IGF2BP1: variants seen among roughly 807,000 people sequenced by gnomAD.
IGF2BP1 encodes insulin like growth factor 2 mRNA binding protein 1, also known as insulin-like growth factor 2 mRNA-binding protein 1.
IGF2BP1 carries 11 observed loss-of-function variants against 74.9 expected under a neutral mutation model. The observed-to-expected ratio is 0.15, with a 90% CI of 0.09 to 0.24. The LOEUF (loss-of-function observed/expected upper bound fraction) is 0.24. Ranked by LOEUF, IGF2BP1 falls within the 10% of genes least tolerant of loss-of-function variation. The pLI is 1.00. For synonymous variants in IGF2BP1, 287 were observed against 281.8 expected (o/e 1.02, Z -0.18); for missense variants, 440 against 757.4 (o/e 0.58, Z 4.92).
At chr17:48,999,352 C>A (rs753527211) in intron 2 of IGF2BP1, among the ~76,000 whole-genome samples, 183 bp downstream of exon 2, 80 of 39,858 alleles carry the variant, frequency 2.0e-3, no homozygotes, top group Non-Finnish European at 2.9e-3. Flanking sequence ...TGGTTTACAG[C>A]TTGTAAAAAA....
At chr17:49,013,422 C>CTGT (rs2041646569) in intron 2 of IGF2BP1, 1 of 152,464 alleles carries the variant, frequency 6.6e-6, no homozygotes, top group African/African-American at 2.4e-5. Context: ...GCCTCCCGCC[C>CTGT]CGTCCCGCCT....
intron 2 of IGF2BP1, among the ~76,000 whole-genome samples, chr17:49,015,313 AT>A (rs1373881514): frequency 1.3e-5 from 2 of 152,134 alleles, no homozygotes; most frequent in Non-Finnish European, 2.9e-5. Flanking sequence ...AGAGGCTGGC[AT>A]CTCCACCGGG....
intron 2 of IGF2BP1, among the ~76,000 whole-genome samples, chr17:49,002,928 G>T (rs967346506): frequency 1.3e-5 from 2 of 152,070 alleles, no homozygotes; most frequent in African/African-American, 4.8e-5. Context: ...TTTTGTAAGG[G>T]CAGTGGCAAC....
chr17:49,051,611 A>C lies in IGF2BP1; in HGVS notation c.*2167A>C, dbSNP rs1228295269. 2.0e-5 allele frequency: 3 copies of C among 152,222 alleles called. No individual in the cohort carries two copies. Among genetic ancestry groups the C allele is most frequent in the Non-Finnish European group, 2.9e-5 (2 of 68,038 alleles). The allele number at this position is 152,222 out of a possible 1,614,324, so 9.4% of individuals were successfully genotyped here. A position where few individuals can be genotyped will look rare whatever the true frequency, so the allele number is the denominator to read the frequency against. ...CTCTTTCCTCCTTTGGTTAAAGAGC[A>C]TCTCAGCCAGCTTTTCCCACCAGTG... On this transcript the variant is annotated 3_prime_UTR_variant, in exon 15 of 15. Coordinates refer to ENST00000290341, the MANE Select transcript of IGF2BP1 (RefSeq NM_006546.4).
intron 2 of IGF2BP1, among the ~76,000 whole-genome samples, chr17:49,022,646 G>A (rs1299182288): frequency 3.3e-5 from 5 of 152,198 alleles, no homozygotes; most frequent in East Asian, 3.9e-4. Context: ...CATTCCAGAC[G>A]ATCTGCCTGC....
At position 49,011,659 on chromosome 17, in the gene IGF2BP1, A is replaced by G. The variant is rs181773585; in HGVS notation, c.236+12490A>G. The stretch of plus-strand genomic sequence containing the variant: ...AGCTATGATGGTGCCATTGCACTCC[A>G]GCCTGGGTGACAGAATGAGACCCTG... On this transcript the variant is annotated intron_variant, in intron 2 of 14. Coordinates refer to ENST00000290341, the MANE Select transcript of IGF2BP1 (RefSeq NM_006546.4). Among the ~76,000 whole-genome samples the G allele has an allele frequency of 2.3e-3, 355 of 151,996 alleles. 1 individual carries two copies. The highest frequency in any genetic ancestry group is 8.2e-3 in the African/African-American group (338 of 41,462).
At position 49,041,363 on chromosome 17, in the gene IGF2BP1, C is replaced by T. The variant is rs2042050255; in HGVS notation, c.819-15C>T. The stretch of plus-strand genomic sequence containing the variant: ...AGGAACTCTTGTCTTCCACTTCTTC[C>T]TTTGTCTTCCCAAGGGCTGACGAGG... On this transcript the variant is annotated splice_polypyrimidine_tract_variant and intron_variant, in intron 7 of 14. Transcript: ENST00000290341. 1 of 1,613,332 alleles carries T rather than the reference C, an allele frequency of 6.2e-7. No individual in the cohort carries two copies. The highest frequency in any genetic ancestry group is 8.5e-7 in the Non-Finnish European group (1 of 1,179,770).
chr17:48,999,004 G>T, intron 1 of IGF2BP1, 105 bp from the exon 2 acceptor site: 1 of 703,902 alleles, frequency 1.4e-6, no homozygotes, highest in South Asian at 1.7e-5. Flanking sequence ...GGAAGATCTC[G>T]AATCCCAGTA....
chr17:48,998,015 T>C, intron 1 of IGF2BP1, 95 bp downstream of exon 1: 1 of 1,431,590 alleles, frequency 7.0e-7, no homozygotes, highest in African/African-American at 1.4e-5. Context: ...ACTCCTCTCT[T>C]CCCGGGCCTG....
chr17:49,002,046 T>TG (rs2041493256), intron 2 of IGF2BP1, among the ~76,000 whole-genome samples: 1 of 152,076 alleles, frequency 6.6e-6, no homozygotes, highest in African/African-American at 2.4e-5. Flanking sequence ...ATGAAAGAGA[T>TG]GCACTGACTC....
intron 2 of IGF2BP1, among the ~76,000 whole-genome samples, chr17:49,018,494 G>C (rs1409451585): frequency 6.6e-6 from 1 of 152,154 alleles, no homozygotes; most frequent in Non-Finnish European, 1.5e-5. Flanking sequence ...TTGGGATGAA[G>C]TTAAATTGTG....
intron 2 of IGF2BP1, among the ~76,000 whole-genome samples, chr17:49,019,966 ACACACACACATACACC>A (rs2041768062): frequency 3.2e-5 from 3 of 94,928 alleles, no homozygotes; most frequent in South Asian, 3.5e-4. Context: ...ACACACACAC[ACACACACACATACACC>A]CACACATATA....
At chr17:49,033,278 A>G (rs950192464) in intron 5 of IGF2BP1, among the ~76,000 whole-genome samples, 1 of 151,870 alleles carries the variant, frequency 6.6e-6, no homozygotes, top group Admixed American at 6.6e-5. Context: ...CCTCCTGAGT[A>G]GCTGGGACTA....
Position 49,053,350 on chromosome 17 carries a change from C to G in IGF2BP1, c.*3906C>G, listed in dbSNP as rs755021365. ...GCAATAGCCAGCTTTCGACACATAC[C>G]TGGCTGTCTGAGGAGGAAGGCCTCC... On this transcript the variant is annotated 3_prime_UTR_variant, in exon 15 of 15. Coordinates refer to ENST00000290341, the MANE Select transcript of IGF2BP1 (RefSeq NM_006546.4). The G allele has an allele frequency of 2.0e-5, 3 of 152,852 alleles. No homozygotes were observed. In the East Asian group the frequency reaches 5.8e-4, roughly 29 times the overall value. The allele number at this position is 152,852 out of a possible 1,614,324, so 9.5% of individuals were successfully genotyped here. A position where few individuals can be genotyped will look rare whatever the true frequency, so the allele number is the denominator to read the frequency against.
rs201858288 is a variant in IGF2BP1 at position 49,046,390 on chromosome 17, C to T, written c.1641+17C>T. 103 of 1,583,522 alleles carry T rather than the reference C, an allele frequency of 6.5e-5. No individual in the cohort carries two copies. In the African/African-American group the frequency reaches 1.0e-3, roughly 16 times the overall value. On this transcript the variant is annotated intron_variant, in intron 14 of 14. Coordinates refer to ENST00000290341, the MANE Select transcript of IGF2BP1 (RefSeq NM_006546.4). Reference sequence around the variant, plus strand: ...GCCAGTCAGGTACATATGGTGCTCCCCCATTGAGGGAGGGCTGCAGGAGCC... The same window carrying T: ...GCCAGTCAGGTACATATGGTGCTCCTCCATTGAGGGAGGGCTGCAGGAGCC...
intron 2 of IGF2BP1, among the ~76,000 whole-genome samples, chr17:49,005,291 G>GTT (rs949051219): frequency 4.6e-5 from 7 of 152,214 alleles, no homozygotes; most frequent in Non-Finnish European, 1.0e-4. Flanking sequence ...ACACTGAAAT[G>GTT]TAACTGTGTG....
intron 5 of IGF2BP1, among the ~76,000 whole-genome samples, chr17:49,032,710 C>T (rs1598149134): frequency 6.6e-6 from 1 of 152,240 alleles, no homozygotes; most frequent in East Asian, 1.9e-4. Flanking sequence ...TTTTAGATAC[C>T]TCCTGGGCTC....
intron 2 of IGF2BP1, 64 bp from the exon 3 acceptor site, chr17:49,025,554 G>A: frequency 7.2e-7 from 1 of 1,385,764 alleles, no homozygotes; most frequent in South Asian, 1.2e-5. Context: ...ATTAGAAACT[G>A]CGAGTTCACA....
At chr17:49,015,220 G>A (rs927106974) in intron 2 of IGF2BP1, among the ~76,000 whole-genome samples, 1 of 152,124 alleles carries the variant, frequency 6.6e-6, no homozygotes, top group East Asian at 1.9e-4. Context: ...TGATCCTCCC[G>A]CTTCTGCTTC....
Sources: allele counts gnomAD v4.1 joint callset (sites outside exome capture counted in the v4.1 genomes callset), GRCh38; gene constraint gnomAD v4.1.1; transcripts MANE v1.5; gene names NCBI Gene and HGNC (gene_info 2026-07-23, HGNC 2026-07-21).